Variants in ANK3 observed in about 807,000 individuals in gnomAD.
The protein encoded by ANK3 is ankyrin-3.
A neutral mutation model predicts 370.9 loss-of-function variants in ANK3; 57 were observed. That is an observed-to-expected ratio of 0.15 (90% CI 0.12 to 0.19). The LOEUF is 0.19. Ranked by LOEUF, ANK3 falls within the 10% of genes least tolerant of loss-of-function variation. The pLI is 1.00. For missense variants in ANK3, 4,439 were observed against 5,302.1 expected (o/e 0.84, Z 5.06); for synonymous variants, 1,929 against 1,946.3 (o/e 0.99, Z 0.23).
At chr10:60,593,712 G>T (rs1450633212) in intron 2 of ANK3, among the ~76,000 whole-genome samples, 1 of 152,182 alleles carries the variant, frequency 6.6e-6, no homozygotes, top group Non-Finnish European at 1.5e-5. Flanking sequence ...TAATTTTGAT[G>T]AAAGGGCTCT....
chr10:60,213,151 T>C (rs2096882825), intron 9 of ANK3, among the ~76,000 whole-genome samples: 1 of 152,000 alleles, frequency 6.6e-6, no homozygotes, highest in South Asian at 2.1e-4. Flanking sequence ...GCTATGAAAA[T>C]TTCACAGAGT....
intron 2 of ANK3, among the ~76,000 whole-genome samples, chr10:60,414,513 A>G (rs576163786): frequency 6.6e-6 from 1 of 152,264 alleles, no homozygotes; most frequent in Admixed American, 6.5e-5. Context: ...CAAAACAAAA[A>G]AGGTGGTATA....
chr10:60,600,935 C>A (rs1412217403), intron 2 of ANK3, among the ~76,000 whole-genome samples: 1 of 151,592 alleles, frequency 6.6e-6, no homozygotes, highest in African/African-American at 2.4e-5. Context: ...ACAAAGCATG[C>A]CAAAAATAAA....
intron 1 of ANK3, among the ~76,000 whole-genome samples, chr10:60,641,619 C>T (rs1166915809): frequency 7.2e-5 from 11 of 151,782 alleles, no homozygotes; most frequent in African/African-American, 2.2e-4. Context: ...ACACCTTATA[C>T]AAAAATTAAT....
At chr10:60,268,421 G>A (rs35175163) in intron 5 of ANK3, among the ~76,000 whole-genome samples, 16,255 of 152,124 alleles carry the variant, frequency 0.11, 1,132 homozygotes, top group Non-Finnish European at 0.16. Flanking sequence ...GCCTTGCCTC[G>A]TTTTTAACAG....
intron 2 of ANK3, among the ~76,000 whole-genome samples, chr10:60,493,505 A>G (rs1187917961): frequency 1.3e-5 from 2 of 152,146 alleles, no homozygotes; most frequent in Admixed American, 6.5e-5. Flanking sequence ...GATGACCCTT[A>G]GGGTTGTAGT....
At chr10:60,589,733 C>A (rs2077883978) in intron 2 of ANK3, among the ~76,000 whole-genome samples, 1 of 152,226 alleles carries the variant, frequency 6.6e-6, no homozygotes, top group Admixed American at 6.5e-5. Context: ...TTCCTTTCAA[C>A]AATTTTCATT....
At chr10:60,733,077 T>A (rs1050652922) in intron 1 of ANK3, among the ~76,000 whole-genome samples, 4 of 151,824 alleles carry the variant, frequency 2.6e-5, no homozygotes, top group African/African-American at 9.7e-5. Flanking sequence ...CAGGCGCAAC[T>A]GGACTCCCAC....
intron 2 of ANK3, among the ~76,000 whole-genome samples, chr10:60,587,876 A>G (rs1359762588): frequency 6.6e-6 from 1 of 152,148 alleles, no homozygotes; most frequent in Admixed American, 6.6e-5. Context: ...GTAATAAGTT[A>G]AGAAAGAATG....
At chr10:60,330,663 TG>T (rs374763502) in intron 1 of ANK3, among the ~76,000 whole-genome samples, 2 of 152,120 alleles carry the variant, frequency 1.3e-5, no homozygotes, top group African/African-American at 4.8e-5. Flanking sequence ...TTTACACTGT[TG>T]GGGGGAGTGT....
At chr10:60,241,564 G>A (rs1448293728) in intron 7 of ANK3, among the ~76,000 whole-genome samples, 1 of 151,968 alleles carries the variant, frequency 6.6e-6, no homozygotes, top group African/African-American at 2.4e-5. Context: ...CAAGACCCCA[G>A]GTTTCCCAAC....
chr10:60,292,722 T>TC (rs1190112310), intron 1 of ANK3, among the ~76,000 whole-genome samples: 1 of 151,410 alleles, frequency 6.6e-6, no homozygotes, highest in East Asian at 1.9e-4. Context: ...TCTTTTTTTT[T>TC]TTTTTTGACG....
chr10:60,117,428 A>C (rs2093171677), intron 25 of ANK3, among the ~76,000 whole-genome samples: 1 of 152,240 alleles, frequency 6.6e-6, no homozygotes, highest in African/African-American at 2.4e-5. Flanking sequence ...AGATTTGTAC[A>C]ACTGGGGGAG....
In ANK3 at chr10:60,264,374, G is replaced by T. The variant is rs180886209; in HGVS notation, c.514-354C>A. On this transcript the variant is annotated intron_variant, in intron 5 of 43. Transcript: ENST00000280772. Reference sequence around the variant, plus strand: ...ATAAAATAATCTCAGGGCCAGGTGCGGTGGCTCATGCCTGTAATCTCAGCA... The same window carrying T: ...ATAAAATAATCTCAGGGCCAGGTGCTGTGGCTCATGCCTGTAATCTCAGCA... Among the ~76,000 whole-genome samples the T allele has an allele frequency of 4.5e-4, 68 of 152,130 alleles. 1 individual carries two copies. The highest frequency in any genetic ancestry group is 2.3e-3 in the Admixed American group (35 of 15,272).
chr10:60,725,717 T>C lies in ANK3; in HGVS notation c.57+7546A>G, dbSNP rs371935686. 3.7e-4 allele frequency among the ~76,000 whole-genome samples: 57 copies of C among 152,288 alleles called. 1 individual carries two copies. The South Asian group carries it at 9.8e-3, about 26-fold the overall frequency. On this transcript the variant is annotated intron_variant, in intron 1 of 43. Transcript: ENST00000373827. ...TAACATGAGAGTACTTTTTAAAATATATAAATAGCTGCTTACAAAGGTAAG... is the reference window on the plus strand; with the variant it reads ...TAACATGAGAGTACTTTTTAAAATACATAAATAGCTGCTTACAAAGGTAAG...
At chr10:60,594,340 A>G (rs560929035) in intron 2 of ANK3, among the ~76,000 whole-genome samples, 12 of 152,302 alleles carry the variant, frequency 7.9e-5, no homozygotes, top group Middle Eastern at 6.8e-3. Flanking sequence ...CACCCATCAT[A>G]CTAGGCAACA....
intron 28 of ANK3, among the ~76,000 whole-genome samples, chr10:60,103,008 T>A (rs2091552237): frequency 6.6e-6 from 1 of 152,100 alleles, no homozygotes; most frequent in African/African-American, 2.4e-5. Context: ...TGGAGTGCAG[T>A]GGCGCGATCT....
At chr10:60,337,062 C>T (rs560206725) in intron 1 of ANK3, among the ~76,000 whole-genome samples, 1 of 151,782 alleles carries the variant, frequency 6.6e-6, no homozygotes, top group African/African-American at 2.4e-5. Flanking sequence ...TAAAGAATTT[C>T]TGTTGCCAAG....
At chr10:60,670,268 C>T (rs1252484448) in intron 1 of ANK3, among the ~76,000 whole-genome samples, 3 of 152,130 alleles carry the variant, frequency 2.0e-5, no homozygotes, top group Non-Finnish European at 2.9e-5. Flanking sequence ...AAATCGACCT[C>T]CTAATTTTCC....
Sources: gnomAD v4.1 joint callset for allele counts (sites outside exome capture counted in the v4.1 genomes callset) on GRCh38, gnomAD v4.1.1 for gene constraint, MANE v1.5 for transcripts, NCBI Gene and HGNC (gene_info 2026-07-23, HGNC 2026-07-21) for gene names.